Variants in RAB38 observed in about 807,000 individuals in gnomAD.
RAB38 encodes RAB38, member RAS oncogene family.
A neutral mutation model predicts 18.4 loss-of-function variants in RAB38; 15 were observed. The observed-to-expected ratio is 0.82, with a 90% CI of 0.55 to 1.26. The LOEUF (loss-of-function observed/expected upper bound fraction) is 1.26, where lower values mean the gene tolerates loss of function less well. Among genes scored for constraint, RAB38 ranks in the 50% most tolerant of loss-of-function variants. The pLI is 0.00. For synonymous variants in RAB38, 101 were observed against 104.4 expected, an observed-to-expected ratio of 0.97 and a Z score of 0.20; for missense variants, 294 against 267.4, an observed-to-expected ratio of 1.10 and a Z score of -0.69.
intron 2 of RAB38, among the ~76,000 whole-genome samples, chr11:88,147,939 C>T (rs1405104797): frequency 6.6e-6 from 1 of 151,976 alleles, no homozygotes; most frequent in Non-Finnish European, 1.5e-5. Context: ...AAAAAGATAC[C>T]ATGCTTGTTA....
the RAB38 span, among the ~76,000 whole-genome samples, chr11:88,102,008 A>AT: frequency 1.1e-4 from 17 of 151,962 alleles, no homozygotes; most frequent in Non-Finnish European, 1.9e-4. Flanking sequence ...ATGACAGCAA[A>AT]TATCTGTATG....
chr11:88,123,149 T>TC (rs1380561392), intron 2 of RAB38, among the ~76,000 whole-genome samples: 1 of 152,074 alleles, frequency 6.6e-6, no homozygotes, highest in Non-Finnish European at 1.5e-5. Context: ...CCATGGGAAA[T>TC]CCCCCCTGAC....
In RAB38 at chr11:88,149,830, A is replaced by G; in HGVS notation, c.328T>C (p.Ser110Pro). The change falls in exon 2 of 3, where the codon TCC (serine) becomes CCC (proline). Residue 110 changes from serine to proline, a missense_variant. Ser to Pro is a moderately conservative substitution (Grantham distance 74, BLOSUM62 -1). Coordinates refer to ENST00000243662, the MANE Select transcript of RAB38 (RefSeq NM_022337.3). ...AVAKWKNDLD[S>P]KLSLPNGKPV... The stretch of plus-strand genomic sequence containing the variant: ...TTGCCATTAGGGAGACTTAACTTGG[A>G]GTCCAAATCATTTTTCCACTTTGCC... 1 of 1,614,086 alleles carries G rather than the reference A, an allele frequency of 6.2e-7. No individual in the cohort carries two copies.
the RAB38 span, among the ~76,000 whole-genome samples, chr11:88,070,377 C>A: frequency 6.6e-6 from 1 of 152,172 alleles, no homozygotes; most frequent in Non-Finnish European, 1.5e-5. Context: ...TCAGAAGGAA[C>A]AAACTCCGGA....
chr11:87,948,853 T>C, the RAB38 span, among the ~76,000 whole-genome samples: 15 of 152,126 alleles, frequency 9.9e-5, no homozygotes, highest in Non-Finnish European at 2.1e-4. Flanking sequence ...TAAAATTCTT[T>C]TTTTGTTGTG....
intron 1 of RAB38, among the ~76,000 whole-genome samples, chr11:88,154,843 T>G (rs1943105901): frequency 6.6e-6 from 1 of 152,138 alleles, no homozygotes; most frequent in African/African-American, 2.4e-5. Flanking sequence ...ACATAGACCA[T>G]GAGGCAAAAA....
the RAB38 span, among the ~76,000 whole-genome samples, chr11:87,848,073 C>A: frequency 6.6e-6 from 1 of 152,110 alleles, no homozygotes; most frequent in African/African-American, 2.4e-5. Context: ...AAAAGGGTAG[C>A]CAATTAATTC....
the RAB38 span, among the ~76,000 whole-genome samples, chr11:87,914,925 G>A: frequency 2.0e-4 from 31 of 152,258 alleles, no homozygotes; most frequent in East Asian, 4.8e-3. Context: ...AGGGCTGCAG[G>A]TGCCCAGAAT....
the RAB38 span, among the ~76,000 whole-genome samples, chr11:87,865,318 A>C: frequency 6.6e-6 from 1 of 151,712 alleles, no homozygotes; most frequent in African/African-American, 2.4e-5. Context: ...CCAGGTAATC[A>C]CAAGGGTCTT....
At chr11:88,088,620 A>C in the RAB38 span, among the ~76,000 whole-genome samples, 1 of 151,788 alleles carries the variant, frequency 6.6e-6, no homozygotes, top group Non-Finnish European at 1.5e-5. Flanking sequence ...AAGGGGGAGC[A>C]TGGTGAGGTG....
At chr11:88,115,597 GT>G (rs1351179004) in intron 2 of RAB38, 2 of 152,138 alleles carry the variant, frequency 1.3e-5, no homozygotes, top group African/African-American at 4.8e-5. Flanking sequence ...TAAAGAAAAT[GT>G]TTCCCAGGCT....
At chr11:88,029,329 C>G in the RAB38 span, among the ~76,000 whole-genome samples, 1 of 150,972 alleles carries the variant, frequency 6.6e-6, no homozygotes, top group Non-Finnish European at 1.5e-5. Context: ...AACTAACGAG[C>G]AAAATAACCA....
the RAB38 span, among the ~76,000 whole-genome samples, chr11:87,954,716 T>C: frequency 6.6e-6 from 1 of 152,050 alleles, no homozygotes; most frequent in Non-Finnish European, 1.5e-5. Flanking sequence ...GGGAGCAGGC[T>C]TCAACCACAG....
intron 1 of RAB38, among the ~76,000 whole-genome samples, chr11:88,165,227 GC>G (rs1943232956): frequency 6.6e-6 from 1 of 152,056 alleles, no homozygotes; most frequent in Non-Finnish European, 1.5e-5. Context: ...GAATAGCATG[GC>G]TAGAAAATAG....
At chr11:87,824,841 C>A in the RAB38 span, among the ~76,000 whole-genome samples, 1 of 152,088 alleles carries the variant, frequency 6.6e-6, no homozygotes, top group Admixed American at 6.5e-5. Flanking sequence ...GTTAAACTTT[C>A]CCAGTAATCA....
At chr11:87,903,357 T>G in the RAB38 span, among the ~76,000 whole-genome samples, 6 of 151,524 alleles carry the variant, frequency 4.0e-5, no homozygotes, top group Non-Finnish European at 5.9e-5. Context: ...ATAAGTTGAA[T>G]TATATTGATG....
chr11:88,121,873 T>C (rs1432480866), intron 2 of RAB38, among the ~76,000 whole-genome samples: 1 of 152,210 alleles, frequency 6.6e-6, no homozygotes, highest in Non-Finnish European at 1.5e-5. Context: ...GAGCCCCTGC[T>C]CTTAACCCAC....
intron 1 of RAB38, among the ~76,000 whole-genome samples, chr11:88,173,046 C>A (rs1316410500): frequency 6.6e-6 from 1 of 152,222 alleles, no homozygotes; most frequent in African/African-American, 2.4e-5. Flanking sequence ...GCCTCCACTG[C>A]AACTTCAGTC....
At chr11:87,940,166 CAAA>C in the RAB38 span, among the ~76,000 whole-genome samples, 1 of 127,452 alleles carries the variant, frequency 7.8e-6, no homozygotes, top group African/African-American at 3.0e-5. Flanking sequence ...CCAGATAATA[CAAA>C]AAAAAAAAAA....
Sources: allele counts gnomAD v4.1 joint callset (sites outside exome capture counted in the v4.1 genomes callset), GRCh38; gene constraint gnomAD v4.1.1; transcripts MANE v1.5; gene names NCBI Gene and HGNC (gene_info 2026-07-23, HGNC 2026-07-21).